FRYL: variants seen among roughly 807,000 people sequenced by gnomAD.
The protein encoded by FRYL is FRY like transcription coactivator.
FRYL carries 150 observed loss-of-function variants against 351.2 expected under a neutral mutation model. That is an observed-to-expected ratio of 0.43 (90% CI 0.37 to 0.49). FRYL has a LOEUF of 0.49. FRYL is among the 20% of genes least tolerant of loss of function. The pLI is 0.00. For missense variants in FRYL, 3,036 were observed against 3,619.3 expected (o/e 0.84, Z 4.13); for synonymous variants, 1,153 against 1,257.1 (o/e 0.92, Z 1.75).
Position 48,540,479 on chromosome 4 carries a change from G to A in FRYL, c.6169C>T (p.Pro2057Ser), listed in dbSNP as rs1206121969. ...TTAAGGAAGAGCTGCTGAAGTCCTG[G>A]AAAATTAGTCCATTTCAATTTGCTT... ...VQSKLKWTNF[P>S]GLQQLFLKGF... The change falls in exon 46 of 64, where the codon CCA becomes TCA. Residue 2057 changes from proline to serine, a missense_variant. Physicochemically the swap from Pro to Ser is moderately conservative, Grantham distance 74. Coordinates refer to ENST00000358350, the MANE Select transcript of FRYL (RefSeq NM_015030.2). 6.2e-7 allele frequency: 1 copy of A among 1,613,942 alleles called. No homozygotes were observed. Among genetic ancestry groups the A allele is most frequent in the Non-Finnish European group, 8.5e-7 (1 of 1,179,962 alleles).
At chr4:48,539,315 T>C (rs543641730) in intron 47 of FRYL, among the ~76,000 whole-genome samples, 2 of 152,214 alleles carry the variant, frequency 1.3e-5, no homozygotes, top group South Asian at 4.1e-4. Flanking sequence ...TAAAATATAT[T>C]ATGCCCTCTT....
intron 1 of FRYL, among the ~76,000 whole-genome samples, chr4:48,752,975 C>G (rs530790660): frequency 6.6e-6 from 1 of 151,980 alleles, no homozygotes; most frequent in Non-Finnish European, 1.5e-5. Context: ...CCAAAAACAA[C>G]TGAAATGATT....
rs1731292821 is a variant in FRYL at position 48,546,172 on chromosome 4, T to C, written c.5174A>G (p.Asn1725Ser). The C allele has an allele frequency of 6.2e-7, 1 of 1,613,666 alleles. No individual in the cohort carries two copies. Among genetic ancestry groups the C allele is most frequent in the Non-Finnish European group, 8.5e-7 (1 of 1,179,736 alleles). Residue 1725 changes from asparagine to serine, a missense_variant, in exon 42 of 64, where the codon AAC becomes AGC. Transcript: ENST00000358350. Reference sequence around the variant, plus strand: ...GTGCAGATGTGAAATGGCAGCACTGTTATTTCCTAAGCTGATACTAGAAGA... The same window carrying C: ...GTGCAGATGTGAAATGGCAGCACTGCTATTTCCTAAGCTGATACTAGAAGA... ...STSSSISLGN[N>S]SAAISHLHTT...
At chr4:48,718,758 A>AT (rs1322854630) in intron 1 of FRYL, among the ~76,000 whole-genome samples, 2 of 151,160 alleles carry the variant, frequency 1.3e-5, no homozygotes, top group South Asian at 4.2e-4. Context: ...TGTGTGAAGC[A>AT]TTTTTTTTCA....
chr4:48,613,861 C>A (rs1183530111), intron 7 of FRYL, among the ~76,000 whole-genome samples: 1 of 149,598 alleles, frequency 6.7e-6, no homozygotes, highest in African/African-American at 2.5e-5. Flanking sequence ...GAGGCTGAGG[C>A]AGGAGAATTG....
At chr4:48,508,541 C>T (rs1264207901) in intron 59 of FRYL, among the ~76,000 whole-genome samples, 1 of 152,144 alleles carries the variant, frequency 6.6e-6, no homozygotes, top group East Asian at 1.9e-4. Context: ...AAACCAACCA[C>T]CCTAAAACTT....
At chr4:48,730,345 A>T (rs1353045692) in intron 1 of FRYL, among the ~76,000 whole-genome samples, 1 of 152,204 alleles carries the variant, frequency 6.6e-6, no homozygotes, top group East Asian at 1.9e-4. Flanking sequence ...TCCCCAACCT[A>T]GCAAGGCAGG....
chr4:48,569,624 A>T (rs1002371164), intron 27 of FRYL, among the ~76,000 whole-genome samples: 6 of 151,884 alleles, frequency 4.0e-5, no homozygotes, highest in Non-Finnish European at 7.4e-5. Context: ...TTTGCTTTTT[A>T]TTAAGAAAGA....
intron 1 of FRYL, among the ~76,000 whole-genome samples, chr4:48,763,657 T>A (rs1774640339): frequency 6.6e-6 from 1 of 152,092 alleles, no homozygotes; most frequent in Non-Finnish European, 1.5e-5. Context: ...ACTAAGGCCA[T>A]GTATGATAAG....
intron 1 of FRYL, among the ~76,000 whole-genome samples, chr4:48,740,452 G>T (rs1434473280): frequency 1.3e-5 from 2 of 151,916 alleles, no homozygotes; most frequent in African/African-American, 4.8e-5. Context: ...GCACCACCAT[G>T]CCTGACTAAT....
chr4:48,510,260 T>C (rs1393445726), intron 58 of FRYL, 103 bp from the exon 59 acceptor site: 7 of 824,532 alleles, frequency 8.5e-6, no homozygotes, highest in Non-Finnish European at 1.4e-5. Context: ...GTTAGTTGGT[T>C]TTTGGATATT....
At chr4:48,666,782 A>G (rs904003917) in intron 3 of FRYL, among the ~76,000 whole-genome samples, 2 of 152,208 alleles carry the variant, frequency 1.3e-5, no homozygotes, top group African/African-American at 4.8e-5. Context: ...CAAGTTGACT[A>G]GAAATGTGCA....
chr4:48,690,662 TTTTAA>T (rs1360450649), intron 2 of FRYL, among the ~76,000 whole-genome samples: 1 of 152,314 alleles, frequency 6.6e-6, no homozygotes, highest in East Asian at 1.9e-4. Context: ...GAAAAATTCT[TTTTAA>T]TTTAAAGATG....
intron 42 of FRYL, 120 bp from the exon 43 acceptor site, chr4:48,545,024 A>C (rs952289): frequency 0.5 from 474,080 of 942,312 alleles, 119,625 homozygotes; most frequent in South Asian, 0.61. Flanking sequence ...TAAATAGGTC[A>C]CAGTCTACTA....
At chr4:48,592,111 TA>T (rs1743505773) in intron 16 of FRYL, among the ~76,000 whole-genome samples, 2 of 136,936 alleles carry the variant, frequency 1.5e-5, no homozygotes, top group African/African-American at 5.6e-5. Context: ...TATATATATA[TA>T]TATTTTATCT....
intron 58 of FRYL, 39 bp from the exon 59 acceptor site, chr4:48,510,196 G>C: frequency 6.9e-7 from 1 of 1,451,222 alleles, no homozygotes; most frequent in Non-Finnish European, 9.7e-7. Flanking sequence ...TACCATTTCT[G>C]ATTGAAATCA....
intron 3 of FRYL, among the ~76,000 whole-genome samples, chr4:48,682,421 T>C (rs915977111): frequency 1.3e-5 from 2 of 152,000 alleles, no homozygotes; most frequent in Non-Finnish European, 2.9e-5. Context: ...AATTGACAAA[T>C]GGGATCTAAT....
intron 1 of FRYL, among the ~76,000 whole-genome samples, chr4:48,720,916 T>C (rs1263183054): frequency 6.6e-6 from 1 of 152,190 alleles, no homozygotes; most frequent in Admixed American, 6.5e-5. Flanking sequence ...ACACTCAAAT[T>C]ACAGAAAGAA....
At chr4:48,747,167 C>CCG (rs542627179) in intron 1 of FRYL, among the ~76,000 whole-genome samples, 1 of 150,864 alleles carries the variant, frequency 6.6e-6, no homozygotes, top group Non-Finnish European at 1.5e-5. Flanking sequence ...CCCTATCCCC[C>CCG]CCCAAAAAAA....
Sources: allele counts gnomAD v4.1 joint callset (sites outside exome capture counted in the v4.1 genomes callset), GRCh38; gene constraint gnomAD v4.1.1; transcripts MANE v1.5; gene names NCBI Gene and HGNC (gene_info 2026-07-23, HGNC 2026-07-21).